Variants in DHX15 observed in about 807,000 individuals in gnomAD.
The protein encoded by DHX15 is DEAH-box helicase 15.
Under a neutral mutation model 94.4 loss-of-function variants are expected in DHX15, and 11 were observed. The ratio of observed to expected loss-of-function variants is 0.12; its 90% CI spans 0.07 to 0.19. DHX15 has a LOEUF of 0.19. Among genes scored for constraint, DHX15 ranks in the 10% least tolerant of loss-of-function variants. The probability of loss-of-function intolerance (pLI) is 1.00; values close to 1 mark genes in which losing one functional copy is unlikely to be tolerated. For synonymous variants in DHX15, 338 were observed against 329.9 expected (o/e 1.02, Z -0.27); for missense variants, 304 against 988.5 (o/e 0.31, Z 9.29).
chr4:24,575,414 G>T (rs1380701994), intron 2 of DHX15, among the ~76,000 whole-genome samples: 1 of 152,138 alleles, frequency 6.6e-6, no homozygotes, highest in African/African-American at 2.4e-5. Context: ...TTTAATTGAT[G>T]GTTCAGGCTT....
chr4:24,531,710 C>T (rs1033648118), intron 12 of DHX15, among the ~76,000 whole-genome samples: 2 of 151,960 alleles, frequency 1.3e-5, no homozygotes, highest in Non-Finnish European at 2.9e-5. Context: ...GAGACATTGC[C>T]TCCCTCACCC....
intron 2 of DHX15, among the ~76,000 whole-genome samples, chr4:24,573,982 G>C (rs1261910015): frequency 6.6e-6 from 1 of 151,630 alleles, no homozygotes; most frequent in Non-Finnish European, 1.5e-5. Flanking sequence ...AATAACTTGA[G>C]GTCAGGATTT....
chr4:24,569,442 G>A (rs574980062), intron 3 of DHX15, among the ~76,000 whole-genome samples: 4 of 151,914 alleles, frequency 2.6e-5, no homozygotes, highest in African/African-American at 9.7e-5. Context: ...GATACAAAAA[G>A]TTAGCCAGGC....
At chr4:24,555,730 A>G (rs1416762703) in intron 4 of DHX15, among the ~76,000 whole-genome samples, 1 of 152,204 alleles carries the variant, frequency 6.6e-6, no homozygotes, top group Non-Finnish European at 1.5e-5. Context: ...ATGTCAGAAA[A>G]TAGTTTTAGG....
intron 3 of DHX15, among the ~76,000 whole-genome samples, chr4:24,566,206 A>G (rs1383655977): frequency 6.6e-6 from 1 of 151,900 alleles, no homozygotes; most frequent in Non-Finnish European, 1.5e-5. Context: ...CACCTGGCTC[A>G]TTTTTTTAAT....
At chr4:24,556,469 T>C (rs1721740279) in intron 3 of DHX15, 59 bp from the exon 4 acceptor site, 2 of 1,409,910 alleles carry the variant, frequency 1.4e-6, no homozygotes, top group South Asian at 2.9e-5. Flanking sequence ...AAACCAAACT[T>C]CGTGACAAAA....
At chr4:24,535,174 G>C (rs1054398085) in intron 11 of DHX15, among the ~76,000 whole-genome samples, 11 of 152,108 alleles carry the variant, frequency 7.2e-5, no homozygotes, top group African/African-American at 2.4e-4. Context: ...CAATAGACTT[G>C]AACTTTTCCA....
At chr4:24,570,086 T>C (rs144338424) in intron 3 of DHX15, among the ~76,000 whole-genome samples, 1 of 152,224 alleles carries the variant, frequency 6.6e-6, no homozygotes, top group Non-Finnish European at 1.5e-5. Context: ...AAAAAGTTGG[T>C]AGAGTTAAAA....
chr4:24,548,813 CATT>C (rs1415531748), intron 6 of DHX15, 39 bp downstream of exon 6: 27 of 1,556,856 alleles, frequency 1.7e-5, no homozygotes, highest in Non-Finnish European at 2.2e-5. Context: ...TCTCATAAAT[CATT>C]ATTAGTGAAA....
chr4:24,584,099 C>T (rs954592492), intron 1 of DHX15: 22 of 558,472 alleles, frequency 3.9e-5, no homozygotes, highest in Admixed American at 1.4e-4. Context: ...GCCTCTCCAC[C>T]CTCCGGACTG....
intron 13 of DHX15, among the ~76,000 whole-genome samples, chr4:24,529,189 CTAATT>C (rs1721027839): frequency 1.3e-5 from 2 of 151,996 alleles, no homozygotes; most frequent in Non-Finnish European, 2.9e-5. Context: ...CCATGCCCAG[CTAATT>C]TTTGTACACA....
At chr4:24,540,363 AAACT>A in intron 9 of DHX15, 64 bp from the exon 10 acceptor site, 1 of 1,382,962 alleles carries the variant, frequency 7.2e-7, no homozygotes, top group African/African-American at 1.5e-5. Context: ...GACAAAGTAC[AAACT>A]ATTATAAGCA....
chr4:24,548,300 G>A (rs572966330), intron 6 of DHX15, among the ~76,000 whole-genome samples: 157 of 151,940 alleles, frequency 1.0e-3, no homozygotes, highest in Non-Finnish European at 1.4e-3. Flanking sequence ...GCGCTACCAC[G>A]CCCGGCTAAT....
In DHX15 at chr4:24,584,405, T is replaced by A. The variant is rs773388608; in HGVS notation, c.-12A>T. 8 of 1,610,382 alleles carry A rather than the reference T, an allele frequency of 5.0e-6. No individual in the cohort carries two copies. In the South Asian group the frequency reaches 8.8e-5, roughly 18 times the overall value. On this transcript the variant is annotated 5_prime_UTR_variant, in exon 1 of 14. Transcript: ENST00000336812. ...TGCCGCTTGGACATCCTCGCACTCT[T>A]CGAACGGGCAGTTATTAAGGAAGAA... is the stretch of plus-strand genomic sequence containing the variant.
Position 24,549,095 on chromosome 4 carries a change from G to A in DHX15, c.1081-73C>T, listed in dbSNP as rs1721529402. ...GTATTTATTATAATCCTAGTTCTATGCAGTCTGTTTTATGTATGCCATCTT... is the reference window on the plus strand; with the variant it reads ...GTATTTATTATAATCCTAGTTCTATACAGTCTGTTTTATGTATGCCATCTT... On this transcript the variant is annotated intron_variant, in intron 5 of 13. Transcript: ENST00000336812. 49 of 1,314,232 alleles carry A rather than the reference G, an allele frequency of 3.7e-5. 1 individual carries two copies. In the East Asian group the frequency reaches 1.2e-3, roughly 32 times the overall value. 81.4% of individuals were successfully genotyped at this position (1,314,232 alleles called of 1,614,324 possible).
At chr4:24,534,236 T>G (rs1721147996) in intron 11 of DHX15, 1 of 152,168 alleles carries the variant, frequency 6.6e-6, no homozygotes, top group Non-Finnish European at 1.5e-5. Context: ...CAGCACACCT[T>G]AGAGGTAATT....
chr4:24,549,092 T>C, intron 5 of DHX15, 70 bp from the exon 6 acceptor site: 1 of 1,330,852 alleles, frequency 7.5e-7, no homozygotes. Context: ...ATCCTAGTTC[T>C]ATGCAGTCTG....
At chr4:24,541,235 G>T (rs1721302503) in intron 8 of DHX15, among the ~76,000 whole-genome samples, 1 of 152,118 alleles carries the variant, frequency 6.6e-6, no homozygotes, top group African/African-American at 2.4e-5. Flanking sequence ...TTTCAGTTAA[G>T]CAGTGTCAAC....
intron 10 of DHX15, among the ~76,000 whole-genome samples, chr4:24,539,527 T>C (rs1721262789): frequency 6.6e-6 from 1 of 152,190 alleles, no homozygotes; most frequent in Non-Finnish European, 1.5e-5. Context: ...ATTTTATATA[T>C]TAGGTATGTT....
Sources: allele counts gnomAD v4.1 joint callset (sites outside exome capture counted in the v4.1 genomes callset), GRCh38; gene constraint gnomAD v4.1.1; transcripts MANE v1.5; gene names NCBI Gene and HGNC (gene_info 2026-07-23, HGNC 2026-07-21).